Variants in GDAP1 observed in about 807,000 individuals in gnomAD.
The protein encoded by GDAP1 is ganglioside induced differentiation associated protein 1, also known as ganglioside-induced differentiation-associated protein 1.
A neutral mutation model predicts 40.1 loss-of-function variants in GDAP1; 34 were observed. The ratio of observed to expected loss-of-function variants is 0.85; its 90% CI spans 0.64 to 1.13. The LOEUF (loss-of-function observed/expected upper bound fraction) is 1.13. GDAP1 is among the 50% of genes most tolerant of loss of function. The pLI is 0.00. For synonymous variants in GDAP1, 170 were observed against 157.4 expected (o/e 1.08, Z -0.60); for missense variants, 374 against 433.7 (o/e 0.86, Z 1.22).
At chr8:74,471,682 C>T (rs1299084691) in intron 2 of GDAP1, among the ~76,000 whole-genome samples, 1 of 152,144 alleles carries the variant, frequency 6.6e-6, no homozygotes, top group Non-Finnish European at 1.5e-5. Flanking sequence ...CTTTCTCCAT[C>T]CCCATCCCCA....
intron 2 of GDAP1, among the ~76,000 whole-genome samples, chr8:74,394,406 G>T (rs1810160926): frequency 6.6e-6 from 1 of 152,124 alleles, no homozygotes; most frequent in Admixed American, 6.5e-5. Context: ...GTGAGTGTTT[G>T]CCTCAAGATA....
Position 74,451,035 on chromosome 8 carries a change from A to G in GDAP1, c.166-37643A>G, listed in dbSNP as rs1396155786. 3.6e-5 allele frequency among the ~76,000 whole-genome samples: 3 copies of G among 83,228 alleles called. 1 individual carries two copies. Among genetic ancestry groups the G allele is most frequent in the African/African-American group, 5.2e-5 (1 of 19,148 alleles). The allele number at this position is 83,228 out of a possible 152,430, so 54.6% of individuals were successfully genotyped here. A position where few individuals can be genotyped will look rare whatever the true frequency, so the allele number is the denominator to read the frequency against. Reference sequence around the variant, plus strand: ...TTACTGACTTCATTTAAAATGTAAGACATTTTTAATGATATAGCTCTATCT... The same window carrying G: ...TTACTGACTTCATTTAAAATGTAAGGCATTTTTAATGATATAGCTCTATCT... On this transcript the variant is annotated intron_variant, in intron 2 of 2. Transcript: ENST00000523640.
rs1234762748 is a variant in GDAP1, at chr8:74,366,342, T to G, written c.*1975T>G. 4.4e-6 allele frequency: 2 copies of G among 454,492 alleles called. No individual in the cohort carries two copies. The highest frequency in any genetic ancestry group is 3.1e-5 in the South Asian group (2 of 64,480). The allele number at this position is 454,492 out of a possible 1,614,324, so 28.2% of individuals were successfully genotyped here. On this transcript the variant is annotated 3_prime_UTR_variant, in exon 6 of 6. Coordinates refer to ENST00000220822, the MANE Select transcript of GDAP1 (RefSeq NM_018972.4). The stretch of plus-strand genomic sequence containing the variant: ...AGTGTTCTTTTTGTTCAGCAACTCT[T>G]CTAAAATGTTTCAAGCAAAGATAGT...
At chr8:74,369,392 T>C (rs140313833), downstream of GDAP1, among the ~76,000 whole-genome samples, 3 of 152,280 alleles carry the variant, frequency 2.0e-5, no homozygotes, top group East Asian at 5.8e-4. Flanking sequence ...TCTGATTGAA[T>C]TGACAGAAAA....
At chr8:74,351,518 G>T in intron 2 of GDAP1, 52 bp downstream of exon 2, 2 of 1,252,984 alleles carry the variant, frequency 1.6e-6, no homozygotes, top group Non-Finnish European at 2.4e-6. Flanking sequence ...ACACAACTAT[G>T]TGTTCCCTTT....
intron 2 of GDAP1, chr8:74,376,907 T>C (rs1809864224): frequency 6.6e-6 from 1 of 152,168 alleles, no homozygotes; most frequent in Non-Finnish European, 1.5e-5. Flanking sequence ...CTTGCATGCA[T>C]GGTCAACTTT....
intron 2 of GDAP1, among the ~76,000 whole-genome samples, chr8:74,471,307 G>T (rs114399172): frequency 6.6e-6 from 1 of 151,556 alleles, no homozygotes; most frequent in Admixed American, 6.6e-5. Flanking sequence ...GTGTTTGCCC[G>T]CTTTTAAAAT....
At chr8:74,483,819 C>T (rs1366323711) in intron 2 of GDAP1, among the ~76,000 whole-genome samples, 2 of 152,134 alleles carry the variant, frequency 1.3e-5, no homozygotes, top group Admixed American at 6.5e-5. Context: ...TTTGTTGAAC[C>T]AGGATTTTCT....
At chr8:74,465,390 C>T (rs904749625) in intron 2 of GDAP1, among the ~76,000 whole-genome samples, 8 of 152,052 alleles carry the variant, frequency 5.3e-5, no homozygotes, top group African/African-American at 1.4e-4. Flanking sequence ...TGCAATCTCT[C>T]GCCAAGCCTT....
At chr8:74,457,952 G>A (rs994390205) in intron 2 of GDAP1, among the ~76,000 whole-genome samples, 2 of 152,046 alleles carry the variant, frequency 1.3e-5, no homozygotes, top group African/African-American at 4.8e-5. Flanking sequence ...TGGAAGTAGT[G>A]TACTACTTAT....
chr8:74,366,183 G>A lies in GDAP1; in HGVS notation c.*1816G>A, dbSNP rs1167772959. ...AATGTGTTTATAATTTCCTTGTACAGTTTCTTTGGAAATACGTTAAAGATA... is the reference window on the plus strand; with the variant it reads ...AATGTGTTTATAATTTCCTTGTACAATTTCTTTGGAAATACGTTAAAGATA... On this transcript the variant is annotated 3_prime_UTR_variant, in exon 6 of 6. Transcript: ENST00000220822. The A allele has an allele frequency of 8.8e-6, 4 of 453,884 alleles. No individual in the cohort carries two copies. Among genetic ancestry groups the A allele is most frequent in the South Asian group, 1.6e-5 (1 of 64,170 alleles). The allele number at this position is 453,884 out of a possible 1,614,324, so 28.1% of individuals were successfully genotyped here.
chr8:74,438,420 A>C (rs190926833), intron 2 of GDAP1, among the ~76,000 whole-genome samples: 130 of 152,300 alleles, frequency 8.5e-4, no homozygotes, highest in African/African-American at 3.0e-3. Context: ...GACCTGTCAG[A>C]CTTTAAAATG....
intron 2 of GDAP1, among the ~76,000 whole-genome samples, chr8:74,401,422 C>G (rs967358617): frequency 6.7e-6 from 1 of 149,866 alleles, no homozygotes; most frequent in Non-Finnish European, 1.5e-5. Context: ...TTAAGCACTT[C>G]TCTGTATTGG....
intron 2 of GDAP1, among the ~76,000 whole-genome samples, chr8:74,456,588 G>A (rs544134601): frequency 8.6e-5 from 13 of 151,988 alleles, no homozygotes; most frequent in African/African-American, 1.4e-4. Flanking sequence ...GTAGGGAAAC[G>A]CTGAAAATGT....
At chr8:74,399,454 G>A (rs956987445) in intron 2 of GDAP1, among the ~76,000 whole-genome samples, 2 of 148,882 alleles carry the variant, frequency 1.3e-5, no homozygotes, top group African/African-American at 2.6e-5. Context: ...TCCTTTATTA[G>A]TCTTGTTAGC....
intron 2 of GDAP1, among the ~76,000 whole-genome samples, chr8:74,384,956 C>A (rs1810004499): frequency 1.3e-5 from 2 of 152,044 alleles, no homozygotes; most frequent in Non-Finnish European, 2.9e-5. Context: ...GGATCTATTC[C>A]AAACCACAGT....
intron 2 of GDAP1, among the ~76,000 whole-genome samples, chr8:74,409,528 T>A (rs1805682356): frequency 1.3e-5 from 2 of 149,730 alleles, no homozygotes; most frequent in African/African-American, 5.1e-5. Context: ...AATTTTTGTA[T>A]TTTTAGTAGA....
At chr8:74,441,844 A>G (rs1431786259) in intron 2 of GDAP1, among the ~76,000 whole-genome samples, 1 of 152,184 alleles carries the variant, frequency 6.6e-6, no homozygotes, top group East Asian at 1.9e-4. Flanking sequence ...CTTACCATGG[A>G]AAGTAACAAT....
intron 2 of GDAP1, among the ~76,000 whole-genome samples, chr8:74,400,859 T>C (rs1467697657): frequency 6.7e-6 from 1 of 149,514 alleles, no homozygotes; most frequent in Non-Finnish European, 1.5e-5. Flanking sequence ...ATTCTTTTCT[T>C]TAAGAATGTT....
Sources: gnomAD v4.1 joint callset for allele counts (sites outside exome capture counted in the v4.1 genomes callset) on GRCh38, gnomAD v4.1.1 for gene constraint, MANE v1.5 for transcripts, NCBI Gene and HGNC (gene_info 2026-07-23, HGNC 2026-07-21) for gene names.